The following PSMA3 variants were observed in gnomAD, a reference collection of about 807,000 sequenced individuals.
The protein encoded by PSMA3 is proteasome 20S subunit alpha 3, also known as proteasome subunit alpha type-3.
Under a neutral mutation model 40.0 loss-of-function variants are expected in PSMA3, and 8 were observed. The ratio of observed to expected loss-of-function variants is 0.20; its 90% CI spans 0.12 to 0.36. The LOEUF is 0.36. PSMA3 is among the 10% of genes least tolerant of loss of function. PSMA3 has a pLI of 1.00. For missense variants in PSMA3, 219 were observed against 310.6 expected (o/e 0.70, Z 2.22); for synonymous variants, 110 against 100.0 (o/e 1.10, Z -0.59).
chr14:58,246,371 C>T (rs1159710547), intron 1 of PSMA3, among the ~76,000 whole-genome samples: 2 of 152,138 alleles, frequency 1.3e-5, no homozygotes, highest in African/African-American at 4.8e-5. Context: ...ACTTTACTCC[C>T]AGAACCAACG....
At position 58,252,251 on chromosome 14, in the gene PSMA3, A is replaced by G; in HGVS notation, c.228+9A>G. The G allele has an allele frequency of 6.2e-7, 1 of 1,601,606 alleles. No individual in the cohort carries two copies. The highest frequency in any genetic ancestry group is 8.5e-7 in the Non-Finnish European group (1 of 1,176,754). On this transcript the variant is annotated intron_variant, in intron 3 of 10. Transcript: ENST00000216455. ...ATCGGCATGTTGGAATGGTAAGGTC[A>G]TGTTTAAAATGTTCCTTTTTGTCTT...
chr14:58,260,471 A>G (rs1314126108), intron 5 of PSMA3, among the ~76,000 whole-genome samples: 1 of 152,232 alleles, frequency 6.6e-6, no homozygotes, highest in Non-Finnish European at 1.5e-5. Context: ...CAATCAGCTA[A>G]TAGCCTAATT....
At chr14:58,252,010 G>A (rs571247903) in intron 2 of PSMA3, 109 bp from the exon 3 acceptor site, 14 of 1,075,504 alleles carry the variant, frequency 1.3e-5, no homozygotes, top group South Asian at 1.0e-4. Context: ...ATGTTTTAAG[G>A]TATTTGGCAT....
intron 7 of PSMA3, chr14:58,267,143 G>A: frequency 6.1e-6 from 1 of 162,784 alleles, no homozygotes; most frequent in African/African-American, 2.4e-5. Context: ...AGGGTTACAG[G>A]CGCGCACCAC....
At chr14:58,256,243 G>A (rs914978514) in intron 3 of PSMA3, among the ~76,000 whole-genome samples, 27 of 152,142 alleles carry the variant, frequency 1.8e-4, no homozygotes, top group African/African-American at 6.3e-4. Flanking sequence ...AAAGATTTGC[G>A]ATTGTGCCTT....
intron 2 of PSMA3, among the ~76,000 whole-genome samples, chr14:58,250,084 G>C (rs1187336278): frequency 6.6e-6 from 1 of 151,746 alleles, no homozygotes; most frequent in African/African-American, 2.4e-5. Flanking sequence ...GCCGGGCATG[G>C]CAGTGCGCGC....
chr14:58,263,520 T>G, intron 6 of PSMA3, 185 bp from the exon 7 acceptor site: 1 of 448,882 alleles, frequency 2.2e-6, no homozygotes, highest in Non-Finnish European at 4.0e-6. Flanking sequence ...TGTTTTGGAA[T>G]TGTTTGGTAT....
Position 58,244,866 on chromosome 14 carries a change from A to C in PSMA3, c.-55A>C. On this transcript the variant is annotated 5_prime_UTR_variant, in exon 1 of 11. Coordinates refer to ENST00000216455, the MANE Select transcript of PSMA3 (RefSeq NM_002788.4). ...TTACTAGTTTGCGGCATCCTGTGGT[A>C]TAGGGGAAGCGCTCCGGGCCTGGAA... 1.2e-6 allele frequency: 2 copies of C among 1,613,912 alleles called. No individual in the cohort carries two copies. Among genetic ancestry groups the C allele is most frequent in the Admixed American group, 3.3e-5 (2 of 60,026 alleles).
intron 6 of PSMA3, 121 bp downstream of exon 6, chr14:58,261,141 CTTT>C (rs750255185): frequency 1.1e-3 from 523 of 495,598 alleles, no homozygotes; most frequent in South Asian, 1.5e-3. Context: ...AGTAATTTTT[CTTT>C]TTTTTTTTTT....
intron 8 of PSMA3, chr14:58,269,584 CCACCT>C (rs1890551382): frequency 1.3e-5 from 2 of 151,912 alleles, no homozygotes; most frequent in Admixed American, 1.3e-4. Flanking sequence ...AGGCCTATGG[CCACCT>C]CACCTGGCTA....
chr14:58,268,125 AGTC>A (rs1890500313), intron 8 of PSMA3: 1 of 152,226 alleles, frequency 6.6e-6, no homozygotes. Flanking sequence ...ACAATAAAAA[AGTC>A]AATTAACCTG....
In PSMA3 at chr14:58,261,392, T is replaced by G. The variant is rs190829428; in HGVS notation, c.477+372T>G. ...CAGGCCTTTGCCATGTTGGCCAGAC[T>G]GGTCTTGAATTCCAGTCCTCAAGAG... On this transcript the variant is annotated intron_variant, in intron 6 of 10. Coordinates refer to ENST00000216455, the MANE Select transcript of PSMA3 (RefSeq NM_002788.4). Among the ~76,000 whole-genome samples, 10 of 152,194 alleles carry G rather than the reference T, an allele frequency of 6.6e-5. No individual in the cohort carries two copies. In the East Asian group the frequency reaches 1.9e-3, roughly 29 times the overall value.
At chr14:58,270,338 A>G in intron 8 of PSMA3, 80 bp from the exon 9 acceptor site, 1 of 1,567,282 alleles carries the variant, frequency 6.4e-7, no homozygotes, top group Non-Finnish European at 8.7e-7. Flanking sequence ...GGACATTCTA[A>G]TTTGTACTGA....
At chr14:58,264,198 T>A (rs557436154) in intron 7 of PSMA3, among the ~76,000 whole-genome samples, 5 of 152,356 alleles carry the variant, frequency 3.3e-5, no homozygotes, top group Admixed American at 3.3e-4. Flanking sequence ...GAAACCTATT[T>A]ATGAATCTCT....
At position 58,253,280 on chromosome 14, in the gene PSMA3, C is replaced by T. The variant is rs189696111; in HGVS notation, c.228+1038C>T. Among the ~76,000 whole-genome samples the T allele has an allele frequency of 4.6e-5, 7 of 152,068 alleles. No homozygotes were observed. The East Asian group carries it at 5.8e-4, about 13-fold the overall frequency. ...CTGGGATTATAGGCGTGAGCCACTG[C>T]GCCCGGCCTAATGCCATTTTCACAG... On this transcript the variant is annotated intron_variant, in intron 3 of 10. Transcript: ENST00000216455.
At chr14:58,245,407 C>T (rs1282607699) in intron 1 of PSMA3, 1 of 164,922 alleles carries the variant, frequency 6.1e-6, no homozygotes, top group African/African-American at 2.4e-5. Flanking sequence ...GTGTGCAGAT[C>T]ATTGACCGCT....
rs1451185563 is a variant in PSMA3, at chr14:58,270,402, C to G, written c.591-16C>G. The G allele has an allele frequency of 6.2e-7, 1 of 1,612,752 alleles. No homozygotes were observed. Reference sequence around the variant, plus strand: ...TGGAGGTTACCAAAATCTTACCTTTCCCTTTTCTATTCTAGAATTTACATA... The same window carrying G: ...TGGAGGTTACCAAAATCTTACCTTTGCCTTTTCTATTCTAGAATTTACATA... On this transcript the variant is annotated splice_polypyrimidine_tract_variant and intron_variant, in intron 8 of 10. Transcript: ENST00000216455.
chr14:58,270,197 A>C, intron 8 of PSMA3: 1 of 579,420 alleles, frequency 1.7e-6, no homozygotes. Context: ...TGGGTTGATT[A>C]GGTATATTCA....
chr14:58,254,349 T>C lies in PSMA3; in HGVS notation c.228+2107T>C, dbSNP rs541761706. Among the ~76,000 whole-genome samples, 78 of 133,260 alleles carry C rather than the reference T, an allele frequency of 5.9e-4. 1 individual carries two copies. Among genetic ancestry groups the C allele is most frequent in the South Asian group, 4.4e-3 (18 of 4,066 alleles). 87.4% of individuals were successfully genotyped at this position (133,260 alleles called of 152,430 possible). A position where few individuals can be genotyped will look rare whatever the true frequency, so the allele number is the denominator to read the frequency against. The stretch of plus-strand genomic sequence containing the variant: ...TTATGCATGCATATATATATGTATG[T>C]ACACACACACAGAGGTCTTGCTCTG... On this transcript the variant is annotated intron_variant, in intron 3 of 10. Transcript: ENST00000216455.
Sources: gnomAD v4.1 joint callset for allele counts (sites outside exome capture counted in the v4.1 genomes callset) on GRCh38, gnomAD v4.1.1 for gene constraint, MANE v1.5 for transcripts, NCBI Gene and HGNC (gene_info 2026-07-23, HGNC 2026-07-21) for gene names.